RAB6A: variants seen among roughly 807,000 people sequenced by gnomAD.
RAB6A encodes RAB6A, member RAS oncogene family.
RAB6A carries 8 observed loss-of-function variants against 32.3 expected under a neutral mutation model. The ratio of observed to expected loss-of-function variants is 0.25; its 90% CI spans 0.15 to 0.45. The LOEUF (loss-of-function observed/expected upper bound fraction) is 0.45. RAB6A is among the 20% of genes least tolerant of loss of function. RAB6A has a pLI of 1.00. For synonymous variants in RAB6A, 73 were observed against 82.1 expected (o/e 0.89, Z 0.60); for missense variants, 104 against 249.4 (o/e 0.42, Z 3.93).
intron 6 of RAB6A, among the ~76,000 whole-genome samples, chr11:73,693,398 T>C (rs1328652349): frequency 1.3e-5 from 2 of 151,920 alleles, no homozygotes; most frequent in Non-Finnish European, 2.9e-5. Context: ...GATTAACCAG[T>C]AGGTACATGA....
chr11:73,703,624 C>A (rs189133234), intron 6 of RAB6A, among the ~76,000 whole-genome samples: 1 of 152,300 alleles, frequency 6.6e-6, no homozygotes, highest in African/African-American at 2.4e-5. Flanking sequence ...CACTTATAAT[C>A]CCAGCTAGGC....
At position 73,677,544 on chromosome 11, in the gene RAB6A, C is replaced by G. The variant is rs10898932; in HGVS notation, c.*354G>C. The G allele has an allele frequency of 0.27, 129,381 of 475,246 alleles. 18,833 individuals are homozygous for G. The highest frequency in any genetic ancestry group is 0.43 in the African/African-American group (21,245 of 49,740). The allele number at this position is 475,246 out of a possible 1,614,324, so 29.4% of individuals were successfully genotyped here. On this transcript the variant is annotated 3_prime_UTR_variant, in exon 8 of 8. Transcript: ENST00000336083. ...AGAGATAAAGTAGGCTGTGAACATA[C>G]CGCTCGTTAACCAAGCCATACTCAT...
At chr11:73,705,470 C>T (rs1945823935) in intron 6 of RAB6A, among the ~76,000 whole-genome samples, 1 of 152,110 alleles carries the variant, frequency 6.6e-6, no homozygotes, top group Admixed American at 6.6e-5. Context: ...ATCACTTGAA[C>T]CCTGGAGGCA....
At chr11:73,690,261 T>TG (rs1208090346) in intron 6 of RAB6A, among the ~76,000 whole-genome samples, 2 of 152,220 alleles carry the variant, frequency 1.3e-5, no homozygotes, top group Non-Finnish European at 2.9e-5. Context: ...TGCTTCTCCT[T>TG]GGAATACCCT....
intron 6 of RAB6A, among the ~76,000 whole-genome samples, chr11:73,702,156 ATAT>A (rs1316563245): frequency 3.3e-5 from 5 of 152,092 alleles, no homozygotes. Flanking sequence ...ACTAGTAAGG[ATAT>A]ATAAGGTGTT....
intron 5 of RAB6A, among the ~76,000 whole-genome samples, chr11:73,712,650 T>C (rs991643026): frequency 6.6e-6 from 1 of 151,218 alleles, no homozygotes; most frequent in African/African-American, 2.4e-5. Context: ...CACGCTCGCC[T>C]GTTGCTAGCT....
intron 5 of RAB6A, among the ~76,000 whole-genome samples, chr11:73,709,474 T>TATTATTATG (rs113302104): frequency 6.8e-6 from 1 of 147,754 alleles, no homozygotes. Flanking sequence ...CTATTATTAT[T>TATTATTATG]ATGACTCGTG....
At chr11:73,744,992 A>AG (rs1946564892) in intron 1 of RAB6A, among the ~76,000 whole-genome samples, 1 of 151,972 alleles carries the variant, frequency 6.6e-6, no homozygotes, top group Admixed American at 6.6e-5. Context: ...AAAAAAAAAA[A>AG]AGAGTAAAGA....
intron 6 of RAB6A, among the ~76,000 whole-genome samples, chr11:73,683,028 T>C (rs1191476483): frequency 6.6e-6 from 1 of 152,088 alleles, no homozygotes; most frequent in Non-Finnish European, 1.5e-5. Context: ...AAGGAAAACA[T>C]ATTTTATAGA....
chr11:73,724,350 TATATAAG>T (rs1378817550), intron 2 of RAB6A, among the ~76,000 whole-genome samples: 1 of 152,206 alleles, frequency 6.6e-6, no homozygotes, highest in Non-Finnish European at 1.5e-5. Context: ...AATTTTATAG[TATATAAG>T]TCAAGAACAG....
chr11:73,683,287 GCT>G (rs1945389610), intron 6 of RAB6A, among the ~76,000 whole-genome samples: 1 of 113,402 alleles, frequency 8.8e-6, no homozygotes, highest in African/African-American at 3.5e-5. Flanking sequence ...ATATGGTCTT[GCT>G]CTGTCACCCA....
At position 73,725,030 on chromosome 11, in the gene RAB6A, T is replaced by C. The variant is rs142800562; in HGVS notation, c.130-4131A>G. On this transcript the variant is annotated intron_variant, in intron 2 of 7. Coordinates refer to ENST00000336083, the MANE Select transcript of RAB6A (RefSeq NM_198896.2). Reference sequence around the variant, plus strand: ...CAGAGAAGATAAGCTTTAGCACAGTTAGGGATTGGCTTTTGATAGGAGGAG... The same window carrying C: ...CAGAGAAGATAAGCTTTAGCACAGTCAGGGATTGGCTTTTGATAGGAGGAG... Among the ~76,000 whole-genome samples, 1,408 of 152,278 alleles carry C rather than the reference T, an allele frequency of 9.2e-3. 18 individuals are homozygous for C. The highest frequency in any genetic ancestry group is 0.034 in the Middle Eastern group (10 of 294).
intron 1 of RAB6A, among the ~76,000 whole-genome samples, chr11:73,754,271 G>A (rs1176412653): frequency 6.6e-6 from 1 of 152,318 alleles, no homozygotes; most frequent in African/African-American, 2.4e-5. Flanking sequence ...ATTATAACAG[G>A]AGATACAATT....
rs191356423 is a variant in RAB6A at position 73,741,851 on chromosome 11, A to G, written c.71-11028T>C. Among the ~76,000 whole-genome samples the G allele has an allele frequency of 2.5e-4, 38 of 152,350 alleles. 1 individual carries two copies. The highest frequency in any genetic ancestry group is 8.4e-4 in the African/African-American group (35 of 41,588). ...ATGAAATGAAATTTTTTAAGATTTA[A>G]TTTTTTAGATCAGTTTTAGGTTCAC... is the stretch of plus-strand genomic sequence containing the variant. On this transcript the variant is annotated intron_variant, in intron 1 of 7. Transcript: ENST00000336083.
intron 3 of RAB6A, among the ~76,000 whole-genome samples, chr11:73,719,992 GA>G (rs1381138467): frequency 6.6e-6 from 1 of 151,418 alleles, no homozygotes; most frequent in Non-Finnish European, 1.5e-5. Context: ...AAACACCTAA[GA>G]AATAACACTG....
chr11:73,692,556 T>C (rs1945587187), intron 6 of RAB6A, among the ~76,000 whole-genome samples: 1 of 145,694 alleles, frequency 6.9e-6, no homozygotes, highest in African/African-American at 2.5e-5. Flanking sequence ...TATTCAGTTC[T>C]AATGGAAAAA....
intron 1 of RAB6A, among the ~76,000 whole-genome samples, chr11:73,739,283 AAAT>A (rs1369894795): frequency 1.5e-4 from 6 of 40,866 alleles, no homozygotes; most frequent in African/African-American, 4.5e-4. Flanking sequence ...AAAAAAAAAA[AAAT>A]ATATATATAT....
intron 5 of RAB6A, among the ~76,000 whole-genome samples, chr11:73,712,539 C>T (rs963855172): frequency 4.0e-5 from 6 of 151,790 alleles, no homozygotes; most frequent in East Asian, 1.9e-4. Flanking sequence ...TTAGTAGAGA[C>T]GAGGTTTCAC....
intron 1 of RAB6A, among the ~76,000 whole-genome samples, chr11:73,751,914 A>G (rs1482406976): frequency 6.6e-6 from 1 of 152,114 alleles, no homozygotes; most frequent in Non-Finnish European, 1.5e-5. Context: ...TGCAGTAAAG[A>G]CCCACAAACC....
Sources: gnomAD v4.1 joint callset for allele counts (sites outside exome capture counted in the v4.1 genomes callset) on GRCh38, gnomAD v4.1.1 for gene constraint, MANE v1.5 for transcripts, NCBI Gene and HGNC (gene_info 2026-07-23, HGNC 2026-07-21) for gene names.